Variants in UTRN observed in about 807,000 individuals in gnomAD.
UTRN encodes the protein utrophin.
A neutral mutation model predicts 463.9 loss-of-function variants in UTRN; 283 were observed. The ratio of observed to expected loss-of-function variants is 0.61; its 90% CI spans 0.55 to 0.67. The LOEUF is 0.67. UTRN is among the 30% of genes least tolerant of loss of function. The pLI, the probability that UTRN is intolerant of heterozygous loss-of-function variation, is 0.00. For synonymous variants in UTRN, 1,442 were observed against 1,431.5 expected (o/e 1.01, Z -0.17); for missense variants, 3,922 against 4,084.3 (o/e 0.96, Z 1.08).
At chr6:144,384,703 C>A (rs1199109592) in intron 2 of UTRN, among the ~76,000 whole-genome samples, 1 of 152,182 alleles carries the variant, frequency 6.6e-6, no homozygotes, top group African/African-American at 2.4e-5. Flanking sequence ...ACACTGTCCT[C>A]CATGTTCATC....
chr6:144,825,852 A>G (rs1184041939), intron 66 of UTRN, among the ~76,000 whole-genome samples: 1 of 151,990 alleles, frequency 6.6e-6, no homozygotes, highest in Non-Finnish European at 1.5e-5. Flanking sequence ...ATGTTGTTTT[A>G]TTGTTATTGT....
At chr6:144,847,664 T>G (rs1782139159) in intron 74 of UTRN, among the ~76,000 whole-genome samples, 1 of 152,160 alleles carries the variant, frequency 6.6e-6, no homozygotes, top group East Asian at 1.9e-4. Context: ...TTAATTCACA[T>G]TGTCAGGGTG....
At chr6:144,813,926 A>G (rs1778852438) in intron 65 of UTRN, among the ~76,000 whole-genome samples, 1 of 152,218 alleles carries the variant, frequency 6.6e-6, no homozygotes, top group Non-Finnish European at 1.5e-5. Context: ...AGAAGGTCTC[A>G]TGCTGAGCAA....
intron 51 of UTRN, among the ~76,000 whole-genome samples, chr6:144,654,228 A>G (rs189657459): frequency 3.9e-5 from 6 of 152,316 alleles, no homozygotes; most frequent in Admixed American, 3.9e-4. Context: ...ATGGGTTCCT[A>G]AGTAAGAAGA....
At chr6:144,364,445 G>T (rs964974302) in intron 2 of UTRN, among the ~76,000 whole-genome samples, 2 of 149,534 alleles carry the variant, frequency 1.3e-5, no homozygotes, top group South Asian at 4.2e-4. Context: ...TAGATTTTGT[G>T]TGTGGGTGCT....
Position 144,516,824 on chromosome 6 carries a change from G to A in UTRN, c.5417G>A (p.Ser1806Asn). ...SDEDEKMDEE[S>N]AQIEEVLQRG... ...TTAAAAATTTAGATGGATGAGGAGA[G>A]TGCCCAGATTGAGGAAGTTCTACAA... The change falls in exon 39 of 75, where the codon AGT becomes AAT. Residue 1806 changes from serine (S) to asparagine (N), a missense_variant. By Grantham distance (46) the Ser-to-Asn change is conservative. Transcript: ENST00000367545. 2 of 1,486,138 alleles carry A rather than the reference G, an allele frequency of 1.3e-6. No homozygotes were observed. Among genetic ancestry groups the A allele is most frequent in the Middle Eastern group, 1.9e-4 (1 of 5,276 alleles). 92.1% of individuals were successfully genotyped at this position (1,486,138 alleles called of 1,614,324 possible).
chr6:144,605,411 G>A (rs1220829546), intron 51 of UTRN, among the ~76,000 whole-genome samples: 1 of 151,964 alleles, frequency 6.6e-6, no homozygotes, highest in Non-Finnish European at 1.5e-5. Flanking sequence ...CTACCAGTTT[G>A]CTAGGCAGGG....
chr6:144,682,290 T>C (rs961536398), intron 52 of UTRN, among the ~76,000 whole-genome samples: 8 of 152,328 alleles, frequency 5.3e-5, no homozygotes, highest in African/African-American at 1.9e-4. Context: ...CTTAACATAA[T>C]GATCTCCCCT....
intron 73 of UTRN, among the ~76,000 whole-genome samples, chr6:144,846,131 T>G (rs1781991682): frequency 6.6e-6 from 1 of 152,244 alleles, no homozygotes; most frequent in Admixed American, 6.5e-5. Flanking sequence ...TGGCAGTGGC[T>G]GCCCTTGCAA....
chr6:144,796,775 G>A (rs1369254052), intron 63 of UTRN, among the ~76,000 whole-genome samples: 4 of 152,162 alleles, frequency 2.6e-5, no homozygotes, highest in Non-Finnish European at 4.4e-5. Context: ...GGCTCACACC[G>A]TGTCTTTGAG....
chr6:144,441,112 C>T (rs567192852), intron 13 of UTRN, among the ~76,000 whole-genome samples: 2 of 152,262 alleles, frequency 1.3e-5, no homozygotes, highest in South Asian at 2.1e-4. Context: ...TATCATTCCA[C>T]CCCTGGCCTC....
intron 69 of UTRN, among the ~76,000 whole-genome samples, chr6:144,830,722 GTTTT>G (rs1274923663): frequency 7.0e-6 from 1 of 143,736 alleles, no homozygotes; most frequent in Non-Finnish European, 1.5e-5. Flanking sequence ...TTTGTTTTTT[GTTTT>G]TTGTTTTTTT....
rs9497059 is a variant in UTRN, at chr6:144,724,598, C to G, written c.7810-5759C>G. The stretch of plus-strand genomic sequence containing the variant: ...TCACTCCTATCCCTCCCCTCCCTCC[C>G]CAGTTCCCCAGCCTTAAGCAACGAG... On this transcript the variant is annotated intron_variant, in intron 53 of 74. Transcript: ENST00000367545. Among the ~76,000 whole-genome samples the G allele has an allele frequency of 8.7e-3, 1,322 of 152,214 alleles. 15 individuals carry two copies. The highest frequency in any genetic ancestry group is 0.029 in the African/African-American group (1,223 of 41,536).
rs559875903 is a variant in UTRN at position 144,304,385 on chromosome 6, C to A, written c.79+12478C>A. 5.9e-5 allele frequency among the ~76,000 whole-genome samples: 9 copies of A among 152,100 alleles called. No individual in the cohort carries two copies. The South Asian group carries it at 1.9e-3, about 32-fold the overall frequency. ...ACAACATGTTAGGCTTGTGGATTGG[C>A]GCATGGTGAATAAGACACAGTTCCA... On this transcript the variant is annotated intron_variant, in intron 2 of 74. Transcript: ENST00000367545.
rs146847353 is a variant in UTRN, at chr6:144,677,039, G to A, written c.7480-1367G>A. On this transcript the variant is annotated intron_variant, in intron 51 of 74. Coordinates refer to ENST00000367545, the MANE Select transcript of UTRN (RefSeq NM_007124.3). ...TGATATACCAACATCTAACTAGCTG[G>A]TACATGAACTATAGATTACAATACA... Among the ~76,000 whole-genome samples, 467 of 152,214 alleles carry A rather than the reference G, an allele frequency of 3.1e-3. 1 individual carries two copies. The highest frequency in any genetic ancestry group is 0.01 in the African/African-American group (430 of 41,530).
chr6:144,482,251 A>T lies in UTRN; in HGVS notation c.3550A>T (p.Ile1184Phe), dbSNP rs200262008. The T allele has an allele frequency of 6.3e-7, 1 of 1,598,760 alleles. No homozygotes were observed. The highest frequency in any genetic ancestry group is 2.3e-5 in the East Asian group (1 of 44,254). ...GTTGCAGAAGGAGGTGAGAGTGAAG[A>T]TTCTCAAGGACAACATCAAGTTATT... ...DVLQKEVRVK[I>F]LKDNIKLLAA... is the part of the protein sequence containing the mutation. The change falls in exon 27 of 75, where the codon ATT becomes TTT. Residue 1184 changes from isoleucine to phenylalanine, a missense_variant. Physicochemically the swap from Ile to Phe is conservative, Grantham distance 21. Transcript: ENST00000367545.
chr6:144,436,237 C>A (rs993730564), intron 10 of UTRN, 99 bp downstream of exon 10: 2 of 1,246,310 alleles, frequency 1.6e-6, no homozygotes, highest in Middle Eastern at 2.0e-4. Context: ...GAATTCTGTT[C>A]TTTGGAAAGG....
At chr6:144,368,233 A>G (rs1319841838) in intron 2 of UTRN, among the ~76,000 whole-genome samples, 1 of 152,224 alleles carries the variant, frequency 6.6e-6, no homozygotes, top group Non-Finnish European at 1.5e-5. Flanking sequence ...AATTCTGGCC[A>G]TTGATTTCTT....
chr6:144,430,652 C>T (rs1002288774), intron 9 of UTRN, among the ~76,000 whole-genome samples: 1 of 152,112 alleles, frequency 6.6e-6, no homozygotes, highest in Non-Finnish European at 1.5e-5. Context: ...ATAATGAATT[C>T]AAAGTATCTA....
Sources: gnomAD v4.1 joint callset for allele counts (sites outside exome capture counted in the v4.1 genomes callset) on GRCh38, gnomAD v4.1.1 for gene constraint, MANE v1.5 for transcripts, NCBI Gene and HGNC (gene_info 2026-07-23, HGNC 2026-07-21) for gene names.